Variants in PLXND1 observed in about 807,000 individuals in gnomAD.
The protein encoded by PLXND1 is plexin D1.
Under a neutral mutation model 197.7 loss-of-function variants are expected in PLXND1, and 54 were observed. That is an observed-to-expected ratio of 0.27 (90% CI 0.22 to 0.34). The LOEUF is 0.34. Among genes scored for constraint, PLXND1 ranks in the 10% least tolerant of loss-of-function variants. The probability of loss-of-function intolerance (pLI) is 1.00; values close to 1 mark genes in which losing one functional copy is unlikely to be tolerated. For synonymous variants in PLXND1, 1,180 were observed against 1,161.2 expected (o/e 1.02, Z -0.33); for missense variants, 2,127 against 2,699.2 (o/e 0.79, Z 4.70).
chr3:129,570,768 G>T lies in PLXND1; in HGVS notation c.3750+18C>A. On this transcript the variant is annotated intron_variant, in intron 19 of 35. Coordinates refer to ENST00000324093, the MANE Select transcript of PLXND1 (RefSeq NM_015103.3). ...GGTGGGGCCAGGTCTGCCCTGCTCCGGCGCCCCATCCACTCACTGTGATGG... is the reference window on the plus strand; with the variant it reads ...GGTGGGGCCAGGTCTGCCCTGCTCCTGCGCCCCATCCACTCACTGTGATGG... The T allele has an allele frequency of 6.2e-7, 1 of 1,613,080 alleles. No homozygotes were observed.
At chr3:129,589,310 T>TGGGCCCCC in intron 2 of PLXND1, 41 bp downstream of exon 2, 1 of 501,294 alleles carries the variant, frequency 2.0e-6, no homozygotes. Context: ...CAGGGGAGCC[T>TGGGCCCCC]CCCACCCCCA....
Position 129,605,925 on chromosome 3 carries a change from C to T in PLXND1, c.715G>A (p.Ala239Thr), listed in dbSNP as rs1240227129. The T allele has an allele frequency of 6.2e-7, 1 of 1,613,310 alleles. No individual in the cohort carries two copies. The highest frequency in any genetic ancestry group is 8.5e-7 in the Non-Finnish European group (1 of 1,179,856). Residue 239 changes from alanine (A) to threonine (T), a missense_variant, in exon 1 of 36, where the codon GCC becomes ACC. By Grantham distance (58) the Ala-to-Thr change is moderately conservative. Transcript: ENST00000324093. ...CCGCGCGTGTCCAGGGAGCGGATGG[C>T]GATCTCGGGCGTGTTCTCGAAGCGG... Reference protein sequence around the residue: ...DHRFENTPEIAIRSLDTRGDL... With the variant: ...DHRFENTPEITIRSLDTRGDL...
Position 129,555,556 on chromosome 3 carries a change from AAGTG to A in PLXND1, c.*752_*755del. The stretch of plus-strand genomic sequence containing the variant: ...TAATATATAAAAGCTTTAAAAAAAA[AAGTG>A]GTGCTATCTTTAGAAACACTTTCAG... On this transcript the variant is annotated 3_prime_UTR_variant, in exon 36 of 36. Coordinates refer to ENST00000324093, the MANE Select transcript of PLXND1 (RefSeq NM_015103.3). The A allele has an allele frequency of 1.5e-6, 1 of 663,164 alleles. No homozygotes were observed. Among genetic ancestry groups the A allele is most frequent in the Non-Finnish European group, 2.7e-6 (1 of 373,278 alleles). The allele number at this position is 663,164 out of a possible 1,614,324, so 41.1% of individuals were successfully genotyped here.
chr3:129,586,413 G>A, intron 3 of PLXND1, 141 bp from the exon 4 acceptor site: 1 of 1,041,650 alleles, frequency 9.6e-7, no homozygotes, highest in Non-Finnish European at 1.4e-6. Context: ...GGGAGACAAG[G>A]CTTCCCTGCA....
chr3:129,560,590 G>T, intron 30 of PLXND1, 99 bp downstream of exon 30: 1 of 1,043,878 alleles, frequency 9.6e-7, no homozygotes, highest in Non-Finnish European at 1.5e-6. Context: ...GCCTTTCGCA[G>T]GGCTGGGAGC....
At chr3:129,594,198 G>A (rs1310307627) in intron 1 of PLXND1, among the ~76,000 whole-genome samples, 2 of 152,236 alleles carry the variant, frequency 1.3e-5, no homozygotes, top group Non-Finnish European at 2.9e-5. Flanking sequence ...TTGCACTTGA[G>A]AAGTGAGGGC....
chr3:129,605,042 G>A (rs997765957), intron 1 of PLXND1, among the ~76,000 whole-genome samples: 2 of 152,154 alleles, frequency 1.3e-5, no homozygotes, highest in Admixed American at 1.3e-4. Context: ...GCGCACCTGG[G>A]TACCTGTGGC....
intron 29 of PLXND1, 29 bp downstream of exon 29, chr3:129,561,617 G>A (rs1294187338): frequency 1.3e-6 from 2 of 1,550,846 alleles, no homozygotes; most frequent in African/African-American, 1.4e-5. Flanking sequence ...ACGCAGCCTG[G>A]GCTCCCTTCC....
intron 31 of PLXND1, 92 bp downstream of exon 31, chr3:129,560,238 G>A (rs546887827): frequency 5.5e-4 from 432 of 783,732 alleles, no homozygotes; most frequent in African/African-American, 4.4e-3. Flanking sequence ...TCCCAGCCGC[G>A]GGTGCACAGC....
chr3:129,556,862 A>C, intron 34 of PLXND1, 171 bp from the exon 35 acceptor site: 1 of 686,772 alleles, frequency 1.5e-6, no homozygotes. Flanking sequence ...CGGACCCTGA[A>C]GTCCAATCTC....
In PLXND1 at chr3:129,606,613, T is replaced by A; in HGVS notation, c.27A>T (p.Ala9=). MAPRAAGG[A]PLSARAAAAS... ...CGGCGGCGGCCCGGGCGCTAAGGGG[T>A]GCGCCGCCCGCGGCGCGAGGAGCCA... The change falls in exon 1 of 36, where the codon GCA becomes GCT. Residue 9 remains alanine (A), a synonymous_variant. Transcript: ENST00000324093. 16 of 1,167,192 alleles carry A rather than the reference T, an allele frequency of 1.4e-5. No individual in the cohort carries two copies. The highest frequency in any genetic ancestry group is 1.7e-5 in the Non-Finnish European group (16 of 947,582). 72.3% of individuals were successfully genotyped at this position (1,167,192 alleles called of 1,614,324 possible). A position where few individuals can be genotyped will look rare whatever the true frequency, so the allele number is the denominator to read the frequency against.
chr3:129,570,749 G>T (rs1423806474), intron 19 of PLXND1, 37 bp downstream of exon 19: 2 of 1,606,518 alleles, frequency 1.2e-6, no homozygotes, highest in Non-Finnish European at 1.7e-6. Context: ...CAGGGGTGGG[G>T]CCAGGTCTGC....
At chr3:129,604,061 G>C (rs573881502) in intron 1 of PLXND1, among the ~76,000 whole-genome samples, 3 of 152,146 alleles carry the variant, frequency 2.0e-5, no homozygotes, top group African/African-American at 7.2e-5. Flanking sequence ...TCCTTTCAGG[G>C]AACCACACCA....
At position 129,566,635 on chromosome 3, in the gene PLXND1, C is replaced by T. The variant is rs778753706; in HGVS notation, c.4087-4G>A. ...GCTCTTCATAAAGGGAGGAACACTG[C>T]AGAGGCAGACCCCCAGCATCTCAGC... On this transcript the variant is annotated splice_region_variant and splice_polypyrimidine_tract_variant and intron_variant, in intron 22 of 35. Transcript: ENST00000324093. The T allele has an allele frequency of 6.4e-7, 1 of 1,563,694 alleles. No individual in the cohort carries two copies. Among genetic ancestry groups the T allele is most frequent in the Non-Finnish European group, 8.8e-7 (1 of 1,138,188 alleles).
chr3:129,574,659 C>T (rs538959957), intron 11 of PLXND1, among the ~76,000 whole-genome samples, 169 bp from the exon 12 acceptor site: 1 of 152,248 alleles, frequency 6.6e-6, no homozygotes, highest in Non-Finnish European at 1.5e-5. Context: ...GGTTCTTAGC[C>T]CCTTCCCCAA....
chr3:129,562,766 T>G (rs1193615045), intron 27 of PLXND1, 21 bp downstream of exon 27: 6 of 1,582,754 alleles, frequency 3.8e-6, no homozygotes, highest in Non-Finnish European at 5.2e-6. Flanking sequence ...ACACGGGGTC[T>G]CTGCCCCCAT....
chr3:129,605,669 G>A lies in PLXND1; in HGVS notation c.971C>T (p.Pro324Leu). 1.3e-6 allele frequency: 2 copies of A among 1,537,636 alleles called. No homozygotes were observed. Among genetic ancestry groups the A allele is most frequent in the South Asian group, 1.2e-5 (1 of 83,848 alleles). ...CTTGGCGTCGCCGCCGGCGCCGTGG[G>A]GCAGGCAGATGCGCGCCAGCAGGCT... ...ARSLLARICLPHGAGGDAKKL... is the reference protein window; with the variant it reads ...ARSLLARICLLHGAGGDAKKL... Residue 324 changes from proline to leucine, a missense_variant, in exon 1 of 36, where the codon CCC becomes CTC. By Grantham distance (98) the Pro-to-Leu change is moderately conservative. Around this residue, in one of 6 missense-constraint regions of PLXND1, gnomAD observed 1,095 missense variants for 1,259.8 expected, o/e 0.87. Transcript: ENST00000324093.
intron 3 of PLXND1, 149 bp from the exon 4 acceptor site, chr3:129,586,421 G>T: frequency 9.4e-7 from 1 of 1,063,246 alleles, no homozygotes; most frequent in Non-Finnish European, 1.4e-6. Context: ...AGGCTTCCCT[G>T]CAGAGGCAAG....
Position 129,555,416 on chromosome 3 carries a change from C to A in PLXND1, c.*896G>T. ...AGGCGCCAGGGGCGCTCTGCCAGGT[C>A]TGCCCGCTCTCTGGAACAGTCATTT... On this transcript the variant is annotated 3_prime_UTR_variant, in exon 36 of 36. Transcript: ENST00000324093. 1.5e-6 allele frequency: 1 copy of A among 648,290 alleles called. No individual in the cohort carries two copies. Among genetic ancestry groups the A allele is most frequent in the South Asian group, 1.7e-5 (1 of 58,582 alleles). The allele number at this position is 648,290 out of a possible 1,614,324, so 40.2% of individuals were successfully genotyped here.
Sources: allele counts gnomAD v4.1 joint callset (sites outside exome capture counted in the v4.1 genomes callset), GRCh38; gene constraint gnomAD v4.1.1; regional missense constraint gnomAD v4.1.1; transcripts MANE v1.5; gene names NCBI Gene and HGNC (gene_info 2026-07-23, HGNC 2026-07-21).